RANBP2: variants seen among roughly 807,000 people sequenced by gnomAD.
RANBP2 encodes the protein E3 SUMO-protein ligase RanBP2.
In RANBP2, 57 loss-of-function variants were observed where a neutral mutation model predicts 303.6. The observed-to-expected ratio is 0.19, with a 90% CI of 0.15 to 0.23. The LOEUF is 0.23. RANBP2 is among the 10% of genes least tolerant of loss of function. The pLI is 1.00. For missense variants in RANBP2, 3,138 were observed against 3,780.8 expected, an observed-to-expected ratio of 0.83 and a Z score of 4.46; for synonymous variants, 1,167 against 1,301.5, an observed-to-expected ratio of 0.90 and a Z score of 2.23.
chr2:109,403,815 G>A, the RANBP2 span, among the ~76,000 whole-genome samples: 8 of 152,174 alleles, frequency 5.3e-5, no homozygotes, highest in African/African-American at 1.9e-4. Flanking sequence ...CTGCAACCTT[G>A]GGTAAGCTGC....
the RANBP2 span, among the ~76,000 whole-genome samples, chr2:109,361,227 T>G: frequency 6.6e-6 from 1 of 152,340 alleles, no homozygotes; most frequent in Admixed American, 6.5e-5. Context: ...TTAAATTTTC[T>G]AATATTTTGT....
chr2:109,297,141 G>T, the RANBP2 span, among the ~76,000 whole-genome samples: 2 of 152,054 alleles, frequency 1.3e-5, no homozygotes, highest in African/African-American at 2.4e-5. Flanking sequence ...AGCTGTGGGG[G>T]CAGTGAGCTA....
At chr2:108,775,681 T>G in intron 23 of RANBP2, 51 bp from the exon 24 acceptor site, 1 of 1,578,666 alleles carries the variant, frequency 6.3e-7, no homozygotes, top group Non-Finnish European at 8.7e-7. Flanking sequence ...ATAATCTGTT[T>G]TGTAAATTAG....
the RANBP2 span, among the ~76,000 whole-genome samples, chr2:108,813,735 A>C: frequency 1.3e-5 from 2 of 152,338 alleles, no homozygotes; most frequent in African/African-American, 2.4e-5. Flanking sequence ...TACTTCCACT[A>C]TCCTAGAATA....
At chr2:109,528,913 C>T in the RANBP2 span, among the ~76,000 whole-genome samples, 3 of 152,142 alleles carry the variant, frequency 2.0e-5, no homozygotes, top group African/African-American at 7.2e-5. Context: ...AGGAGGACTC[C>T]ACCAAGGAGG....
At chr2:108,952,662 C>G in the RANBP2 span, among the ~76,000 whole-genome samples, 1 of 152,196 alleles carries the variant, frequency 6.6e-6, no homozygotes, top group East Asian at 1.9e-4. Flanking sequence ...ATGAGTTATT[C>G]TAAAGTCTTA....
chr2:108,857,066 C>CTT, the RANBP2 span: 62 of 44,088 alleles, frequency 1.4e-3, 17 homozygotes, highest in African/African-American at 6.6e-3. Context: ...GATACTATTG[C>CTT]TTTTTTTTTT....
At chr2:109,263,810 T>C in the RANBP2 span, among the ~76,000 whole-genome samples, 1 of 152,000 alleles carries the variant, frequency 6.6e-6, no homozygotes, top group African/African-American at 2.4e-5. Flanking sequence ...ACTAAAAAAA[T>C]ACAAAAAATT....
chr2:108,830,577 C>T, the RANBP2 span, among the ~76,000 whole-genome samples: 12 of 150,792 alleles, frequency 8.0e-5, no homozygotes, highest in East Asian at 1.4e-3. Flanking sequence ...GAGGCCGAGG[C>T]GGGCAGATCA....
chr2:108,802,502 T>C, the RANBP2 span, among the ~76,000 whole-genome samples: 1 of 145,690 alleles, frequency 6.9e-6, no homozygotes. Context: ...TTTGCTGAAG[T>C]TGCTTATCAG....
chr2:109,177,052 G>A, the RANBP2 span, among the ~76,000 whole-genome samples: 2 of 152,162 alleles, frequency 1.3e-5, no homozygotes, highest in Non-Finnish European at 2.9e-5. Flanking sequence ...TGACCTGGTG[G>A]AAGTTACATT....
At chr2:109,013,778 C>T in the RANBP2 span, among the ~76,000 whole-genome samples, 6 of 152,066 alleles carry the variant, frequency 3.9e-5, no homozygotes, top group African/African-American at 1.4e-4. Context: ...CGGGATTTCA[C>T]CATGTTAGCC....
chr2:109,021,662 C>T, the RANBP2 span, among the ~76,000 whole-genome samples: 3 of 151,692 alleles, frequency 2.0e-5, no homozygotes, highest in Admixed American at 6.6e-5. Flanking sequence ...ACGTTGGAAG[C>T]GAGGTAAAGA....
At chr2:109,593,815 G>A in the RANBP2 span, among the ~76,000 whole-genome samples, 1 of 152,192 alleles carries the variant, frequency 6.6e-6, no homozygotes, top group Non-Finnish European at 1.5e-5. Context: ...ATTGTGGTGT[G>A]GTGGGGAAAG....
the RANBP2 span, among the ~76,000 whole-genome samples, chr2:109,434,028 T>C: frequency 1.8e-4 from 27 of 152,346 alleles, no homozygotes; most frequent in Admixed American, 6.5e-4. Context: ...GGATTTCCCA[T>C]GCCAGTAGGA....
chr2:109,584,400 G>A, the RANBP2 span, among the ~76,000 whole-genome samples: 1 of 150,728 alleles, frequency 6.6e-6, no homozygotes, highest in Admixed American at 6.6e-5. Flanking sequence ...GCTTGAACTG[G>A]GGAGGTGGAG....
At chr2:108,876,899 A>T in the RANBP2 span, among the ~76,000 whole-genome samples, 1 of 152,254 alleles carries the variant, frequency 6.6e-6, no homozygotes, top group African/African-American at 2.4e-5. Flanking sequence ...ATCTCTTGGT[A>T]TAGCCAAAGA....
the RANBP2 span, among the ~76,000 whole-genome samples, chr2:109,291,901 G>T: frequency 6.6e-6 from 1 of 152,188 alleles, no homozygotes; most frequent in Non-Finnish European, 1.5e-5. Flanking sequence ...GTCTCGCTCT[G>T]TTGCCAGGCT....
chr2:109,053,827 C>T, the RANBP2 span, among the ~76,000 whole-genome samples: 2 of 152,006 alleles, frequency 1.3e-5, no homozygotes, highest in African/African-American at 4.8e-5. Flanking sequence ...ATGTCCCTCT[C>T]CCACCCCCTC....
Sources: allele counts gnomAD v4.1 joint callset (sites outside exome capture counted in the v4.1 genomes callset), GRCh38; gene constraint gnomAD v4.1.1; transcripts MANE v1.5; gene names NCBI Gene and HGNC (gene_info 2026-07-23, HGNC 2026-07-21).